BTRC: variants seen among roughly 807,000 people sequenced by gnomAD.
The protein encoded by BTRC is F-box/WD repeat-containing protein 1A.
BTRC carries 42 observed loss-of-function variants against 85.5 expected under a neutral mutation model. The ratio of observed to expected loss-of-function variants is 0.49; its 90% CI spans 0.38 to 0.64. BTRC has a LOEUF of 0.64. BTRC is among the 30% of genes least tolerant of loss of function. BTRC has a pLI of 0.00. For synonymous variants in BTRC, 255 were observed against 263.3 expected, an observed-to-expected ratio of 0.97 and a Z score of 0.30; for missense variants, 594 against 743.5, an observed-to-expected ratio of 0.80 and a Z score of 2.34.
chr10:101,421,421 C>A (rs541839085), intron 1 of BTRC, among the ~76,000 whole-genome samples: 1 of 152,208 alleles, frequency 6.6e-6, no homozygotes, highest in South Asian at 2.1e-4. Flanking sequence ...TTGTTGCTTA[C>A]TAACTACTCA....
intron 1 of BTRC, among the ~76,000 whole-genome samples, chr10:101,398,094 G>A (rs537220712): frequency 6.6e-6 from 1 of 152,040 alleles, no homozygotes; most frequent in Non-Finnish European, 1.5e-5. Flanking sequence ...TAATGGCATT[G>A]GCATCTCTGT....
chr10:101,543,234 T>G (rs1400908491), intron 13 of BTRC, among the ~76,000 whole-genome samples: 1 of 152,228 alleles, frequency 6.6e-6, no homozygotes, highest in African/African-American at 2.4e-5. Context: ...GATTTTTGTC[T>G]TAGTGATTAA....
chr10:101,535,799 A>G (rs568722866), intron 11 of BTRC, among the ~76,000 whole-genome samples: 1 of 152,390 alleles, frequency 6.6e-6, no homozygotes, highest in East Asian at 1.9e-4. Flanking sequence ...TTAGCATTAC[A>G]TAATTGGCCA....
At chr10:101,381,936 A>G (rs1373675672) in intron 1 of BTRC, among the ~76,000 whole-genome samples, 1 of 144,164 alleles carries the variant, frequency 6.9e-6, no homozygotes, top group Non-Finnish European at 1.5e-5. Context: ...GTTCATATCC[A>G]GAACCCCTAG....
rs1018972880 is a variant in BTRC, at chr10:101,532,893, C to G, written c.979-59C>G. 3.7e-6 allele frequency: 5 copies of G among 1,334,948 alleles called. No homozygotes were observed. In the African/African-American group the frequency reaches 7.2e-5, roughly 19 times the overall value. 82.7% of individuals were successfully genotyped at this position (1,334,948 alleles called of 1,614,324 possible). Reference sequence around the variant, plus strand: ...GGGATCAGACACGTAATAGGACCAACAAGTCTCCACAGCACCCCATCATCA... The same window carrying G: ...GGGATCAGACACGTAATAGGACCAAGAAGTCTCCACAGCACCCCATCATCA... On this transcript the variant is annotated intron_variant, in intron 8 of 14. Coordinates refer to ENST00000370187, the MANE Select transcript of BTRC (RefSeq NM_033637.4).
intron 4 of BTRC, among the ~76,000 whole-genome samples, chr10:101,520,484 T>C (rs1215447379): frequency 6.6e-6 from 1 of 152,222 alleles, no homozygotes; most frequent in Non-Finnish European, 1.5e-5. Context: ...CAGTAAATAC[T>C]TATTGAATGA....
chr10:101,509,621 C>T (rs1196686436), intron 4 of BTRC, among the ~76,000 whole-genome samples: 12 of 149,898 alleles, frequency 8.0e-5, no homozygotes, highest in African/African-American at 2.0e-4. Context: ...GGCATGACCA[C>T]GGCTCACTGC....
intron 3 of BTRC, among the ~76,000 whole-genome samples, chr10:101,464,030 A>C (rs1439751252): frequency 2.6e-5 from 4 of 152,152 alleles, no homozygotes; most frequent in Non-Finnish European, 5.9e-5. Flanking sequence ...TGGAGAATCA[A>C]CACCTGATCT....
At chr10:101,463,050 G>GTT (rs1201945098) in intron 3 of BTRC, among the ~76,000 whole-genome samples, 2 of 116,632 alleles carry the variant, frequency 1.7e-5, no homozygotes, top group Non-Finnish European at 1.9e-5. Context: ...GTATTTTGGG[G>GTT]TTTTTTTTTT....
chr10:101,429,452 GT>G (rs1464302399), intron 1 of BTRC, among the ~76,000 whole-genome samples: 2 of 151,408 alleles, frequency 1.3e-5, no homozygotes, highest in African/African-American at 4.9e-5. Flanking sequence ...TGTTTAGAAG[GT>G]TTTAATACCA....
At position 101,417,554 on chromosome 10, in the gene BTRC, T is replaced by G. The variant is rs150589062; in HGVS notation, c.49-12791T>G. On this transcript the variant is annotated intron_variant, in intron 1 of 14. Coordinates refer to ENST00000370187, the MANE Select transcript of BTRC (RefSeq NM_033637.4). ...TGATTACTTGATTAAGATATCAGGGTTTTTTTCCCACTATAGAATTAACTT... is the reference window on the plus strand; with the variant it reads ...TGATTACTTGATTAAGATATCAGGGGTTTTTTCCCACTATAGAATTAACTT... Among the ~76,000 whole-genome samples the G allele has an allele frequency of 6.1e-3, 929 of 152,310 alleles. 7 individuals are homozygous for G. The highest frequency in any genetic ancestry group is 0.021 in the African/African-American group (870 of 41,564).
intron 1 of BTRC, among the ~76,000 whole-genome samples, chr10:101,396,487 T>G (rs1313112823): frequency 6.6e-6 from 1 of 150,798 alleles, no homozygotes; most frequent in Non-Finnish European, 1.5e-5. Context: ...AGATTTTAAA[T>G]GGAGTTCAGC....
intron 2 of BTRC, among the ~76,000 whole-genome samples, chr10:101,445,942 A>G (rs1944811696): frequency 6.6e-6 from 1 of 152,152 alleles, no homozygotes; most frequent in African/African-American, 2.4e-5. Context: ...GCTGATTGAG[A>G]TATCTCATGG....
intron 1 of BTRC, among the ~76,000 whole-genome samples, chr10:101,381,592 T>A (rs909970111): frequency 6.6e-6 from 1 of 152,194 alleles, no homozygotes; most frequent in Non-Finnish European, 1.5e-5. Flanking sequence ...GGGTGAGGGA[T>A]GTTATCTTTT....
intron 1 of BTRC, among the ~76,000 whole-genome samples, chr10:101,424,110 G>A (rs951814298): frequency 7.2e-5 from 11 of 151,950 alleles, no homozygotes; most frequent in African/African-American, 2.4e-4. Flanking sequence ...GGTGCATGCC[G>A]GCAGTCCCAG....
chr10:101,479,018 A>G (rs1945768060), intron 3 of BTRC, among the ~76,000 whole-genome samples: 1 of 152,062 alleles, frequency 6.6e-6, no homozygotes, highest in South Asian at 2.1e-4. Flanking sequence ...AGAAGGAAAA[A>G]CAACAAAAAT....
intron 2 of BTRC, among the ~76,000 whole-genome samples, chr10:101,457,951 C>T (rs1459415545): frequency 6.6e-6 from 1 of 152,106 alleles, no homozygotes; most frequent in African/African-American, 2.4e-5. Flanking sequence ...ATTATATCTG[C>T]TTATAAATAC....
chr10:101,426,995 T>C (rs1944268434), intron 1 of BTRC, among the ~76,000 whole-genome samples: 1 of 152,098 alleles, frequency 6.6e-6, no homozygotes. Flanking sequence ...ACTTCTGACT[T>C]CTCTTTTTTC....
At chr10:101,485,092 C>T (rs1351378699) in intron 4 of BTRC, among the ~76,000 whole-genome samples, 1 of 152,100 alleles carries the variant, frequency 6.6e-6, no homozygotes, top group Admixed American at 6.6e-5. Flanking sequence ...GCTTCAGGAA[C>T]CCTAAGTAGC....
Sources: gnomAD v4.1 joint callset for allele counts (sites outside exome capture counted in the v4.1 genomes callset) on GRCh38, gnomAD v4.1.1 for gene constraint, MANE v1.5 for transcripts, NCBI Gene and HGNC (gene_info 2026-07-23, HGNC 2026-07-21) for gene names.